Variants in SYP observed in about 807,000 individuals in gnomAD.
The protein encoded by SYP is major synaptic vesicle protein P38.
A neutral mutation model predicts 24.3 loss-of-function variants in SYP; 2 were observed. The observed-to-expected ratio is 0.08, with a 90% confidence interval of 0.03 to 0.26. The LOEUF (loss-of-function observed/expected upper bound fraction) is 0.26. Among genes scored for constraint, SYP ranks in the 10% least tolerant of loss-of-function variants. SYP has a pLI of 1.00. For missense variants in SYP, 216 were observed against 266.3 expected, an observed-to-expected ratio of 0.81 and a Z score of 1.32; for synonymous variants, 143 against 123.2, an observed-to-expected ratio of 1.16 and a Z score of -1.07.
intron 1 of SYP, chrX:49,199,369 A>T: frequency 2.1e-5 from 4 of 186,720 alleles, no homozygotes; most frequent in Non-Finnish European, 3.8e-5. Context: ...AGTGGGGTGC[A>T]TTCGGGTGGG....
At chrX:49,195,658 CTG>C (rs1319645463) in intron 3 of SYP, among the ~76,000 whole-genome samples, 1 of 110,734 alleles carries the variant, frequency 9.0e-6, no homozygotes, top group African/African-American at 3.3e-5. Context: ...GAGAAAATGT[CTG>C]TGGGAGAAGT....
intron 2 of SYP, 47 bp downstream of exon 2, chrX:49,198,921 C>A: frequency 8.4e-7 from 1 of 1,195,687 alleles, no homozygotes; most frequent in Non-Finnish European, 1.1e-6. Flanking sequence ...ACCCCATGAC[C>A]TCCCTCTCTC....
intron 3 of SYP, 68 bp downstream of exon 3, chrX:49,197,647 G>C (rs2065533099): frequency 8.6e-7 from 1 of 1,165,750 alleles, no homozygotes; most frequent in South Asian, 1.9e-5. Context: ...TGCGGGGGGA[G>C]GTATTGGCCG....
At chrX:49,194,628 CTTTG>C (rs2065521992) in intron 3 of SYP, among the ~76,000 whole-genome samples, 1 of 107,301 alleles carries the variant, frequency 9.3e-6, no homozygotes, top group Non-Finnish European at 1.9e-5. Context: ...TCCCTAGGAT[CTTTG>C]TTTGTACTGG....
intron 4 of SYP, 46 bp from the exon 5 acceptor site, chrX:49,193,509 T>C (rs2065517887): frequency 8.4e-7 from 1 of 1,188,843 alleles, no homozygotes; most frequent in African/African-American, 1.7e-5. Flanking sequence ...AGTGGACTGC[T>C]TCACGCTAGG....
chrX:49,197,610 C>T (rs185048807), intron 3 of SYP, 105 bp downstream of exon 3: 19 of 1,093,699 alleles, frequency 1.7e-5, no homozygotes, highest in African/African-American at 1.1e-4. Context: ...GATGTAGCCT[C>T]GAGGTGGGAG....
intron 6 of SYP, 110 bp downstream of exon 6, chrX:49,191,323 G>A (rs2065507381): frequency 1.1e-6 from 1 of 916,551 alleles, no homozygotes; most frequent in African/African-American, 1.9e-5. Context: ...GTCCTTACTT[G>A]CCCCAGTAAA....
chrX:49,194,143 TGCAAGTG>T lies in SYP; in HGVS notation c.423+16_423+22del. On this transcript the variant is annotated intron_variant, in intron 4 of 6. Coordinates refer to ENST00000263233, the MANE Select transcript of SYP (RefSeq NM_003179.3). ...GTTCCGTGTCCCCATGGTCCCTACA[TGCAAGTG>T]GCTGTGGGGACTCACCAGCATGGGC... is the stretch of plus-strand genomic sequence containing the variant. 1.7e-6 allele frequency: 2 copies of T among 1,208,065 alleles called. No individual in the cohort carries two copies. Among genetic ancestry groups the T allele is most frequent in the Non-Finnish European group, 2.2e-6 (2 of 892,425 alleles).
Position 49,193,290 on chromosome X carries a change from C to T in SYP, c.597G>A (p.Ser199=). Residue 199 remains serine, a synonymous_variant, in exon 5 of 7, where the codon TCG becomes TCA. Coordinates refer to ENST00000263233, the MANE Select transcript of SYP (RefSeq NM_003179.3). Reference sequence around the variant, plus strand: ...GGCTTACCACCGAGGTGTTGAGTCCCGAGGTCACAGGGTCTCTCAGCTCCT... The same window carrying T: ...GGCTTACCACCGAGGTGTTGAGTCCTGAGGTCACAGGGTCTCTCAGCTCCT... ...TCKELRDPVT[S]GLNTSVVFGF... is the part of the protein sequence containing the mutation. 4.1e-6 allele frequency: 5 copies of T among 1,211,997 alleles called. No individual in the cohort carries two copies. The highest frequency in any genetic ancestry group is 3.0e-5 in the East Asian group (1 of 33,849).
At chrX:49,189,310 G>A (rs1465727810) in intron 6 of SYP, 28 bp from the exon 7 acceptor site, 2 of 109,510 alleles carry the variant, frequency 1.8e-5, no homozygotes, top group Admixed American at 2.0e-4. Flanking sequence ...ACAGAAAGGA[G>A]AGGGGGTCTG....
At chrX:49,191,014 T>G in intron 6 of SYP, 1 of 183,410 alleles carries the variant, frequency 5.5e-6, no homozygotes, top group Non-Finnish European at 1.0e-5. Context: ...ACCCTCACCA[T>G]CTATTGGCCT....
chrX:49,191,949 TG>T (rs1399310368), intron 5 of SYP, among the ~76,000 whole-genome samples, 186 bp from the exon 6 acceptor site: 2 of 112,094 alleles, frequency 1.8e-5, no homozygotes, highest in Admixed American at 1.9e-4. Flanking sequence ...GGGGTGGGCG[TG>T]TTAGAAGAAT....
At chrX:49,191,135 T>C in intron 6 of SYP, 1 of 373,956 alleles carries the variant, frequency 2.7e-6, no homozygotes, top group Admixed American at 4.4e-5. Flanking sequence ...TTCCCTCCCT[T>C]TATTGGTTGC....
At chrX:49,198,706 C>T in intron 2 of SYP, 1 of 397,452 alleles carries the variant, frequency 2.5e-6, no homozygotes, top group Non-Finnish European at 4.4e-6. Context: ...CTCCCCCACC[C>T]CTCCCTCACT....
chrX:49,198,698 C>T, intron 2 of SYP: 1 of 386,585 alleles, frequency 2.6e-6, no homozygotes, highest in Admixed American at 4.3e-5. Flanking sequence ...GGCTCCACCT[C>T]CCCCACCCCT....
chrX:49,191,518 A>G lies in SYP; in HGVS notation c.861T>C (p.Ser287=). Residue 287 remains serine, a synonymous_variant, in exon 6 of 7, where the codon AGT becomes AGC. Transcript: ENST00000263233. ...CATAGTCGCCCTGAGGCCCGTAGCC[A>G]CTGCCACCGCTGCCGGCTGGTTGAC... The part of the protein sequence containing the change: ...DYGQPAGSGG[S]GYGPQGDYGQ... 8.3e-7 allele frequency: 1 copy of G among 1,211,148 alleles called. No individual in the cohort carries two copies. The highest frequency in any genetic ancestry group is 1.1e-6 in the Non-Finnish European group (1 of 895,367).
Position 49,191,575 on chromosome X carries a change from G to A in SYP, c.804C>T (p.Tyr268=), listed in dbSNP as rs781870258. ...CAGGCTGGTAGCCGCCCTGAGGCCC[G>A]TAGGAATCCTGGGGCCCGTACCCGC... ...GPGGYGPQDS[Y]GPQGGYQPDY... Residue 268 remains tyrosine, a synonymous_variant, in exon 6 of 7, where the codon TAC becomes TAT. Transcript: ENST00000263233. The A allele has an allele frequency of 7.4e-6, 9 of 1,208,946 alleles. No homozygotes were observed. In the Admixed American group the frequency reaches 2.0e-4, roughly 26 times the overall value.
At position 49,197,847 on chromosome X, in the gene SYP, A is replaced by G. The variant is rs1012522049; in HGVS notation, c.103-8T>C. 4.7e-5 allele frequency: 57 copies of G among 1,209,842 alleles called. No homozygotes were observed. The highest frequency in any genetic ancestry group is 6.3e-5 in the Non-Finnish European group (56 of 894,542). On this transcript the variant is annotated splice_region_variant and splice_polypyrimidine_tract_variant and intron_variant, in intron 2 of 6. Coordinates refer to ENST00000263233, the MANE Select transcript of SYP (RefSeq NM_003179.3). ...GGCGAAGATGGCGAAGACCTTGGGC[A>G]GCAGGGATGGGGATGGCCACAGTGA... is the stretch of plus-strand genomic sequence containing the variant.
chrX:49,200,122 G>A (rs1241314366), intron 1 of SYP, 29 bp downstream of exon 1: 1 of 1,163,522 alleles, frequency 8.6e-7, no homozygotes, highest in East Asian at 3.3e-5. Context: ...GGCGGCGGCG[G>A]GCTCTGTCCA....
Sources: allele counts gnomAD v4.1 joint callset (sites outside exome capture counted in the v4.1 genomes callset), GRCh38; gene constraint gnomAD v4.1.1; transcripts MANE v1.5; gene names NCBI Gene and HGNC (gene_info 2026-07-23, HGNC 2026-07-21).